The following KCNU1 variants were observed in gnomAD, a reference collection of about 807,000 sequenced individuals.
KCNU1 encodes the protein potassium channel subfamily U member 1.
A neutral mutation model predicts 126.8 loss-of-function variants in KCNU1; 93 were observed. The observed-to-expected ratio is 0.73, with a 90% CI of 0.62 to 0.87. The LOEUF is 0.87. Ranked by LOEUF, KCNU1 falls within the 40% of genes least tolerant of loss-of-function variation. The probability of loss-of-function intolerance (pLI) is 0.00; values close to 1 mark genes in which losing one functional copy is unlikely to be tolerated. For missense variants in KCNU1, 1,330 were observed against 1,367.1 expected, an observed-to-expected ratio of 0.97 and a Z score of 0.43; for synonymous variants, 523 against 494.2, an observed-to-expected ratio of 1.06 and a Z score of -0.77.
chr8:36,865,490 G>T (rs1805872247), intron 19 of KCNU1, among the ~76,000 whole-genome samples: 1 of 151,904 alleles, frequency 6.6e-6, no homozygotes, highest in South Asian at 2.1e-4. Flanking sequence ...ATAGGGCTGG[G>T]CATAGCAGCT....
chr8:36,846,574 G>T (rs996525654), intron 18 of KCNU1, among the ~76,000 whole-genome samples: 4 of 152,102 alleles, frequency 2.6e-5, no homozygotes, highest in East Asian at 1.9e-4. Context: ...GAGGCCAAGG[G>T]GGGTGGATCA....
At chr8:36,909,273 T>C (rs1807763703) in intron 20 of KCNU1, 38 bp from the exon 21 acceptor site, 1 of 1,333,680 alleles carries the variant, frequency 7.5e-7, no homozygotes, top group Non-Finnish European at 1.1e-6. Context: ...CTCATCTTGC[T>C]TATGAAAATG....
Position 36,836,305 on chromosome 8 carries a change from T to C in KCNU1, c.1305T>C (p.Ser435=). Residue 435 remains serine (S), a synonymous_variant, in exon 13 of 27, where the codon TCT becomes TCC. Transcript: ENST00000399881. ...EDISNIMRVL[S]IKNYDSTTRI... ...TTTGGGGTTTATATAGGGTGCTCTC[T>C]ATCAAGAACTATGATTCTACCACCA... 1 of 1,603,552 alleles carries C rather than the reference T, an allele frequency of 6.2e-7. No homozygotes were observed. Among genetic ancestry groups the C allele is most frequent in the East Asian group, 2.2e-5 (1 of 44,702 alleles).
At chr8:36,845,545 G>A (rs750969287) in intron 16 of KCNU1, 35 bp from the exon 17 acceptor site, 3 of 1,268,328 alleles carry the variant, frequency 2.4e-6, no homozygotes, top group African/African-American at 3.0e-5. Flanking sequence ...GAAATCAGAG[G>A]GAAACATTAC....
chr8:36,825,429 A>G (rs2130508987), intron 10 of KCNU1, among the ~76,000 whole-genome samples: 1 of 152,302 alleles, frequency 6.6e-6, no homozygotes, highest in South Asian at 2.1e-4. Flanking sequence ...ACCAACTTTA[A>G]GTTTTATGAC....
intron 18 of KCNU1, among the ~76,000 whole-genome samples, chr8:36,848,600 G>A (rs957908093): frequency 6.6e-6 from 1 of 152,136 alleles, no homozygotes; most frequent in South Asian, 2.1e-4. Flanking sequence ...TCTGTCTGCT[G>A]TTTGGGATTT....
At chr8:36,920,782 G>T (rs1808313572) in intron 23 of KCNU1, among the ~76,000 whole-genome samples, 1 of 152,208 alleles carries the variant, frequency 6.6e-6, no homozygotes, top group South Asian at 2.1e-4. Context: ...GGAGAGAAAT[G>T]TAGAAGTGCA....
intron 24 of KCNU1, 94 bp downstream of exon 24, chr8:36,922,723 A>G (rs1808403253): frequency 2.4e-6 from 3 of 1,233,260 alleles, no homozygotes; most frequent in African/African-American, 3.0e-5. Context: ...AACACCTCAC[A>G]GTTCTAAGTT....
chr8:36,791,881 T>C (rs1196154405), intron 2 of KCNU1, among the ~76,000 whole-genome samples: 1 of 152,304 alleles, frequency 6.6e-6, no homozygotes, highest in Non-Finnish European at 1.5e-5. Context: ...TTTGTTTTTT[T>C]CCACTTCCTT....
rs1585366389 is a variant in KCNU1 at position 36,784,421 on chromosome 8, C to CA, written c.11_12insA (p.Lys5Ter). 6.2e-7 allele frequency: 1 copy of CA among 1,611,998 alleles called. No individual in the cohort carries two copies. Among genetic ancestry groups the CA allele is most frequent in the East Asian group, 2.2e-5 (1 of 44,862 alleles). ...ACTGATGTCTCGAACATGTTTCAGA[C>CA]TAAGCTACGAAATGAAACTTGGGAA... On this transcript the variant is annotated frameshift_variant, in exon 1 of 27. Transcript: ENST00000399881. LOFTEE classifies it high-confidence loss of function.
At chr8:36,932,401 C>T (rs1808728742) in intron 25 of KCNU1, among the ~76,000 whole-genome samples, 1 of 152,058 alleles carries the variant, frequency 6.6e-6, no homozygotes, top group Admixed American at 6.6e-5. Context: ...ATGGATTGAT[C>T]CCTTTTGATC....
At chr8:36,815,413 A>G (rs1170069899) in intron 8 of KCNU1, among the ~76,000 whole-genome samples, 183 bp from the exon 9 acceptor site, 1 of 152,212 alleles carries the variant, frequency 6.6e-6, no homozygotes, top group Non-Finnish European at 1.5e-5. Flanking sequence ...GCCTTATATT[A>G]AATTTTAACA....
chr8:36,899,475 T>C (rs1807331143), intron 19 of KCNU1, among the ~76,000 whole-genome samples: 1 of 152,078 alleles, frequency 6.6e-6, no homozygotes, highest in Non-Finnish European at 1.5e-5. Flanking sequence ...TTATACTGAA[T>C]AGAATGATAT....
chr8:36,825,346 G>A (rs1324320396), intron 10 of KCNU1, among the ~76,000 whole-genome samples: 1 of 151,970 alleles, frequency 6.6e-6, no homozygotes, highest in Non-Finnish European at 1.5e-5. Context: ...TTTTTTATTT[G>A]CATAAGGTGA....
At chr8:36,831,603 GTTGT>G (rs745333596) in intron 10 of KCNU1, among the ~76,000 whole-genome samples, 2 of 147,692 alleles carry the variant, frequency 1.4e-5, no homozygotes, top group Non-Finnish European at 3.0e-5. Context: ...TTTTGATGGG[GTTGT>G]TTGTTTTTTT....
chr8:36,879,209 GTGTATATATATATATATA>G (rs1332942656), intron 19 of KCNU1, among the ~76,000 whole-genome samples: 1 of 86,690 alleles, frequency 1.2e-5, no homozygotes, highest in Non-Finnish European at 2.2e-5. Flanking sequence ...GTGTGTGTGT[GTGTATATATATATATATA>G]TATATATATA....
At chr8:36,842,555 T>G (rs1032158895) in intron 16 of KCNU1, among the ~76,000 whole-genome samples, 1 of 152,252 alleles carries the variant, frequency 6.6e-6, no homozygotes, top group Admixed American at 6.5e-5. Flanking sequence ...TGGGTAGACT[T>G]GGAATCATAA....
chr8:36,912,021 A>C (rs1807892507), intron 22 of KCNU1, among the ~76,000 whole-genome samples: 1 of 152,216 alleles, frequency 6.6e-6, no homozygotes, highest in South Asian at 2.1e-4. Flanking sequence ...TTCCAATTCT[A>C]GAAATAAAAG....
At chr8:36,836,718 A>C in intron 13 of KCNU1, 75 bp from the exon 14 acceptor site, 2 of 1,275,600 alleles carry the variant, frequency 1.6e-6, no homozygotes, top group Non-Finnish European at 2.2e-6. Context: ...TAAAAAAAGA[A>C]AGACATCCAT....
Sources: gnomAD v4.1 joint callset for allele counts (sites outside exome capture counted in the v4.1 genomes callset) on GRCh38, gnomAD v4.1.1 for gene constraint, MANE v1.5 for transcripts, NCBI Gene and HGNC (gene_info 2026-07-23, HGNC 2026-07-21) for gene names.